Variants in MCTP1 observed in about 807,000 individuals in gnomAD.
The protein encoded by MCTP1 is multiple C2 and transmembrane domain containing 1.
MCTP1 carries 69 observed loss-of-function variants against 120.6 expected under a neutral mutation model. The ratio of observed to expected loss-of-function variants is 0.57; its 90% CI spans 0.47 to 0.70. MCTP1 has a LOEUF of 0.70. Among genes scored for constraint, MCTP1 ranks in the 30% least tolerant of loss-of-function variants. The probability of loss-of-function intolerance (pLI) is 0.00; values close to 1 mark genes in which losing one functional copy is unlikely to be tolerated. For synonymous variants in MCTP1, 529 were observed against 493.1 expected, an observed-to-expected ratio of 1.07 and a Z score of -0.96; for missense variants, 1,203 against 1,248.8, an observed-to-expected ratio of 0.96 and a Z score of 0.55.
intron 1 of MCTP1, among the ~76,000 whole-genome samples, chr5:95,207,288 G>A (rs1161998818): frequency 6.6e-6 from 1 of 152,086 alleles, no homozygotes; most frequent in African/African-American, 2.4e-5. Flanking sequence ...GGTGAATAGG[G>A]GGCTTATCTC....
At chr5:94,957,270 T>G (rs760734727) in intron 2 of MCTP1, among the ~76,000 whole-genome samples, 2 of 152,052 alleles carry the variant, frequency 1.3e-5, no homozygotes, top group African/African-American at 4.8e-5. Flanking sequence ...AAAGAAGTGC[T>G]AAATATGGAA....
Position 94,704,993 on chromosome 5 carries a change from C to T in MCTP1, c.*2503G>A, listed in dbSNP as rs1016718614. 8 of 151,078 alleles carry T rather than the reference C, an allele frequency of 5.3e-5. No homozygotes were observed. The East Asian group carries it at 1.2e-3, about 23-fold the overall frequency. 9.4% of individuals were successfully genotyped at this position (151,078 alleles called of 1,614,324 possible). ...ACGCATTTCTTATGAATTATCACAA[C>T]GAATGTCAGTAATAGTTTATGAATA... On this transcript the variant is annotated 3_prime_UTR_variant, in exon 23 of 23. Transcript: ENST00000515393.
rs943682391 is a variant in MCTP1 at position 95,123,805 on chromosome 5, G to C, written c.721-106321C>G. On this transcript the variant is annotated intron_variant, in intron 1 of 22. Coordinates refer to ENST00000515393, the MANE Select transcript of MCTP1 (RefSeq NM_024717.7). ...GCTGGGACTACAGGCGCCCGCCACT[G>C]CGCCCGGCTAATTTTCTGTATTTTT... is the stretch of plus-strand genomic sequence containing the variant. 6.1e-4 allele frequency among the ~76,000 whole-genome samples: 92 copies of C among 152,030 alleles called. 1 individual carries two copies. The highest frequency in any genetic ancestry group is 1.8e-3 in the Admixed American group (27 of 15,272).
chr5:94,942,467 C>G (rs768015712), intron 3 of MCTP1, 40 bp from the exon 4 acceptor site: 1 of 1,391,972 alleles, frequency 7.2e-7, no homozygotes, highest in Non-Finnish European at 1.0e-6. Context: ...ATAAATATCT[C>G]CAATATAAGC....
chr5:94,889,190 C>T (rs1345223135), intron 11 of MCTP1, among the ~76,000 whole-genome samples: 4 of 151,906 alleles, frequency 2.6e-5, no homozygotes, highest in Non-Finnish European at 4.4e-5. Flanking sequence ...ATTGTTTTCT[C>T]GTATTTATTT....
At chr5:95,081,447 A>C (rs1327392272) in intron 1 of MCTP1, 1 of 1,611,888 alleles carries the variant, frequency 6.2e-7, no homozygotes, top group Non-Finnish European at 8.5e-7. Flanking sequence ...TAAATGGCAA[A>C]TTGCAGGCAC....
At chr5:94,741,417 CCATT>C (rs1350625179) in intron 19 of MCTP1, among the ~76,000 whole-genome samples, 1 of 152,194 alleles carries the variant, frequency 6.6e-6, no homozygotes, top group Non-Finnish European at 1.5e-5. Context: ...CTGGTTTCTA[CCATT>C]CAAACATTTA....
At chr5:94,755,002 C>A (rs1183978534) in intron 19 of MCTP1, among the ~76,000 whole-genome samples, 1 of 152,158 alleles carries the variant, frequency 6.6e-6, no homozygotes, top group African/African-American at 2.4e-5. Flanking sequence ...ACCACACATT[C>A]CTGGTGTGTC....
At chr5:94,907,350 C>A (rs1807184010) in intron 10 of MCTP1, among the ~76,000 whole-genome samples, 1 of 152,178 alleles carries the variant, frequency 6.6e-6, no homozygotes, top group Admixed American at 6.5e-5. Flanking sequence ...ATCTAACACT[C>A]ATTCCTTTCA....
At chr5:94,973,794 A>T (rs920738514) in intron 2 of MCTP1, among the ~76,000 whole-genome samples, 6 of 152,022 alleles carry the variant, frequency 3.9e-5, no homozygotes, top group African/African-American at 1.5e-4. Context: ...GCTCATGACC[A>T]CTCCATCTGT....
chr5:94,797,238 G>T (rs1780294388), intron 18 of MCTP1, among the ~76,000 whole-genome samples: 1 of 152,058 alleles, frequency 6.6e-6, no homozygotes, highest in Non-Finnish European at 1.5e-5. Context: ...TACAGTTTCA[G>T]AATTTTTCAC....
At chr5:94,738,822 C>G (rs1482843734) in intron 19 of MCTP1, among the ~76,000 whole-genome samples, 1 of 152,124 alleles carries the variant, frequency 6.6e-6, no homozygotes, top group Admixed American at 6.5e-5. Flanking sequence ...TCCACTGTAC[C>G]GAGCTCAGTA....
intron 21 of MCTP1, chr5:94,710,343 A>G (rs1177853362): frequency 1.3e-5 from 2 of 153,038 alleles, no homozygotes; most frequent in African/African-American, 4.8e-5. Context: ...TTTTGTTCCT[A>G]AGGAACCTGC....
chr5:94,783,483 A>C (rs895929839), intron 18 of MCTP1, among the ~76,000 whole-genome samples: 3 of 152,082 alleles, frequency 2.0e-5, no homozygotes, highest in Non-Finnish European at 4.4e-5. Context: ...TTTGACTGGA[A>C]ATGTTAATAG....
chr5:94,911,155 C>A (rs1189437217), intron 9 of MCTP1, among the ~76,000 whole-genome samples: 1 of 152,118 alleles, frequency 6.6e-6, no homozygotes, highest in African/African-American at 2.4e-5. Flanking sequence ...GGGACCTAAG[C>A]AGGCTGTTTA....
At chr5:95,189,236 C>A (rs1035452875) in intron 1 of MCTP1, among the ~76,000 whole-genome samples, 3 of 151,700 alleles carry the variant, frequency 2.0e-5, no homozygotes, top group African/African-American at 7.3e-5. Flanking sequence ...AGTTGCAGAA[C>A]AAATAAAACT....
At chr5:94,831,228 C>T (rs1032536254) in intron 17 of MCTP1, among the ~76,000 whole-genome samples, 1 of 152,132 alleles carries the variant, frequency 6.6e-6, no homozygotes, top group African/African-American at 2.4e-5. Flanking sequence ...TCTAGGTGCT[C>T]AGACTGCTCT....
chr5:95,213,160 G>A (rs1752605488), intron 1 of MCTP1, among the ~76,000 whole-genome samples: 2 of 152,128 alleles, frequency 1.3e-5, no homozygotes, highest in African/African-American at 4.8e-5. Flanking sequence ...AGCAACTTCA[G>A]CAAAGTCTCA....
intron 2 of MCTP1, among the ~76,000 whole-genome samples, chr5:94,985,914 T>C (rs921553435): frequency 1.3e-5 from 2 of 152,240 alleles, no homozygotes. Context: ...TTATGGTTGG[T>C]AGAAAAGTTT....
Sources: allele counts gnomAD v4.1 joint callset (sites outside exome capture counted in the v4.1 genomes callset), GRCh38; gene constraint gnomAD v4.1.1; transcripts MANE v1.5; gene names NCBI Gene and HGNC (gene_info 2026-07-23, HGNC 2026-07-21).